The following RARB variants were observed in gnomAD, a reference collection of about 807,000 sequenced individuals.
RARB encodes HBV-activated protein.
A neutral mutation model predicts 51.9 loss-of-function variants in RARB; 17 were observed. The observed-to-expected ratio is 0.33, with a 90% CI of 0.22 to 0.49. RARB has a LOEUF of 0.49. RARB is among the 20% of genes least tolerant of loss of function. The pLI, the probability that RARB is intolerant of heterozygous loss-of-function variation, is 0.99. For synonymous variants in RARB, 215 were observed against 195.4 expected (o/e 1.10, Z -0.84); for missense variants, 369 against 550.8 (o/e 0.67, Z 3.30).
intron 5 of RARB, among the ~76,000 whole-genome samples, chr3:25,207,859 A>G (rs1049525819): frequency 6.6e-6 from 1 of 152,194 alleles, no homozygotes; most frequent in African/African-American, 2.4e-5. Flanking sequence ...TTTATAGAGA[A>G]AAGAGATTTA....
At chr3:25,547,724 A>G (rs74786879) in intron 3 of RARB, among the ~76,000 whole-genome samples, 6,283 of 152,238 alleles carry the variant, frequency 0.041, 165 homozygotes, top group Non-Finnish European at 0.062. Flanking sequence ...TTATGGATGG[A>G]TGTATGGATG....
chr3:24,871,496 TA>T (rs1159025521), intron 2 of RARB, among the ~76,000 whole-genome samples: 1 of 152,130 alleles, frequency 6.6e-6, no homozygotes, highest in African/African-American at 2.4e-5. Context: ...CGCACCCCTC[TA>T]GGTCTTCTTC....
rs184115312 is a variant in RARB at position 25,057,347 on chromosome 3, A to C, written c.-379-2778A>C. ...TTGTGATTATCTCCATAATTTTTCA[A>C]ATTATATTTGAGAATAAGAGTTGGG... On this transcript the variant is annotated intron_variant, in intron 2 of 11. Transcript: ENST00000383772. Among the ~76,000 whole-genome samples, 347 of 152,154 alleles carry C rather than the reference A, an allele frequency of 2.3e-3. 1 individual carries two copies. Among genetic ancestry groups the C allele is most frequent in the Middle Eastern group, 3.4e-3 (1 of 294 alleles).
intron 3 of RARB, among the ~76,000 whole-genome samples, chr3:25,556,569 A>G (rs1700067862): frequency 6.6e-6 from 1 of 152,214 alleles, no homozygotes; most frequent in African/African-American, 2.4e-5. Context: ...GGAATTAGAT[A>G]GAAATGGGTT....
intron 5 of RARB, among the ~76,000 whole-genome samples, chr3:25,289,089 CT>C (rs538784076): frequency 4.9e-4 from 74 of 152,342 alleles, no homozygotes; most frequent in African/African-American, 1.7e-3. Context: ...GCAGAGAAGC[CT>C]TTTCAGCTGT....
At chr3:25,361,689 T>C (rs1705939548) in intron 5 of RARB, among the ~76,000 whole-genome samples, 2 of 152,182 alleles carry the variant, frequency 1.3e-5, no homozygotes, top group East Asian at 1.9e-4. Context: ...TTGTTGATGT[T>C]GGTGCTATTG....
At chr3:25,446,033 A>G (rs530763640) in intron 1 of RARB, among the ~76,000 whole-genome samples, 205 of 152,382 alleles carry the variant, frequency 1.3e-3, no homozygotes, top group African/African-American at 4.8e-3. Context: ...TAATCCCAAT[A>G]GACAGAATAT....
At chr3:24,876,437 T>A (rs1297672498) in intron 2 of RARB, among the ~76,000 whole-genome samples, 1 of 152,106 alleles carries the variant, frequency 6.6e-6, no homozygotes, top group East Asian at 1.9e-4. Flanking sequence ...TTATTATGGG[T>A]TAGAATCCAA....
chr3:25,527,282 A>G (rs1250350556), intron 3 of RARB, among the ~76,000 whole-genome samples: 5 of 152,210 alleles, frequency 3.3e-5, no homozygotes, highest in Non-Finnish European at 5.9e-5. Context: ...TCTGCAGGCA[A>G]CAGCTCCAGA....
intron 5 of RARB, among the ~76,000 whole-genome samples, chr3:25,246,450 T>C (rs1229226085): frequency 1.3e-5 from 2 of 152,180 alleles, no homozygotes; most frequent in Admixed American, 1.3e-4. Flanking sequence ...TTCCTCACCT[T>C]CTTGGATTTA....
At chr3:24,974,445 C>G (rs945906317) in intron 2 of RARB, among the ~76,000 whole-genome samples, 4 of 152,038 alleles carry the variant, frequency 2.6e-5, no homozygotes, top group African/African-American at 9.7e-5. Context: ...AGCAGCTATT[C>G]TATTAATTTG....
chr3:25,258,290 C>G (rs1702915588), intron 5 of RARB, among the ~76,000 whole-genome samples: 1 of 152,108 alleles, frequency 6.6e-6, no homozygotes, highest in Non-Finnish European at 1.5e-5. Context: ...ACTTATTACA[C>G]AAGTAGCTAA....
intron 5 of RARB, among the ~76,000 whole-genome samples, chr3:25,191,112 C>T (rs1701093083): frequency 6.6e-6 from 1 of 152,064 alleles, no homozygotes; most frequent in Admixed American, 6.6e-5. Flanking sequence ...ATATAACTTC[C>T]ATGTTTCTTT....
At chr3:25,140,219 T>C (rs1311870850) in intron 4 of RARB, among the ~76,000 whole-genome samples, 1 of 152,226 alleles carries the variant, frequency 6.6e-6, no homozygotes, top group African/African-American at 2.4e-5. Context: ...CCATAGATAG[T>C]GATTTCTCTG....
rs560660150 is a variant in RARB, at chr3:25,171,599, T to C, written c.-279-2520T>C. Among the ~76,000 whole-genome samples, 17 of 115,724 alleles carry C rather than the reference T, an allele frequency of 1.5e-4. No individual in the cohort carries two copies. In the South Asian group the frequency reaches 1.8e-3, roughly 13 times the overall value. The allele number at this position is 115,724 out of a possible 152,430, so 75.9% of individuals were successfully genotyped here. On this transcript the variant is annotated intron_variant, in intron 4 of 11. Transcript: ENST00000383772. Reference sequence around the variant, plus strand: ...GAAAGCAAAGAGAAATGAAGGATTATTGAGGGTGGAATAATGGTTTTTTCC... The same window carrying C: ...GAAAGCAAAGAGAAATGAAGGATTACTGAGGGTGGAATAATGGTTTTTTCC...
At chr3:25,337,142 C>A (rs1195609534) in intron 5 of RARB, among the ~76,000 whole-genome samples, 3 of 152,094 alleles carry the variant, frequency 2.0e-5, no homozygotes, top group Middle Eastern at 3.2e-3. Context: ...GAGGCAGGAA[C>A]AAGAAATGTA....
At chr3:25,210,225 G>A (rs1283072994) in intron 5 of RARB, among the ~76,000 whole-genome samples, 1 of 152,188 alleles carries the variant, frequency 6.6e-6, no homozygotes, top group Admixed American at 6.5e-5. Flanking sequence ...CACTGGGTTA[G>A]TGAATTCTGG....
At chr3:25,251,576 T>C (rs754382999) in intron 5 of RARB, among the ~76,000 whole-genome samples, 11 of 152,186 alleles carry the variant, frequency 7.2e-5, no homozygotes, top group Non-Finnish European at 1.0e-4. Flanking sequence ...AATGACATTT[T>C]ATTGTGGTTT....
At chr3:25,275,059 T>C (rs1365373996) in intron 5 of RARB, among the ~76,000 whole-genome samples, 1 of 152,224 alleles carries the variant, frequency 6.6e-6, no homozygotes, top group Non-Finnish European at 1.5e-5. Context: ...TCGTCTTCTC[T>C]TGGCCCCATG....
Sources: allele counts gnomAD v4.1 joint callset (sites outside exome capture counted in the v4.1 genomes callset), GRCh38; gene constraint gnomAD v4.1.1; transcripts MANE v1.5; gene names NCBI Gene and HGNC (gene_info 2026-07-23, HGNC 2026-07-21).